HS3ST3A1: variants seen among roughly 807,000 people sequenced by gnomAD.
The protein encoded by HS3ST3A1 is heparan sulfate-glucosamine 3-sulfotransferase 3A1, also known as heparan sulfate glucosamine 3-O-sulfotransferase 3A1.
Under a neutral mutation model 25.7 loss-of-function variants are expected in HS3ST3A1, and 19 were observed. The ratio of observed to expected loss-of-function variants is 0.74; its 90% CI spans 0.52 to 1.08. HS3ST3A1 has a LOEUF of 1.08. Ranked by LOEUF, HS3ST3A1 falls within the 50% of genes least tolerant of loss-of-function variation. HS3ST3A1 has a pLI of 0.00. For missense variants in HS3ST3A1, 459 were observed against 594.3 expected, an observed-to-expected ratio of 0.77 and a Z score of 2.37; for synonymous variants, 226 against 278.6, an observed-to-expected ratio of 0.81 and a Z score of 1.88.
intron 1 of HS3ST3A1, among the ~76,000 whole-genome samples, chr17:13,567,483 T>C (rs945795437): frequency 6.6e-6 from 1 of 152,212 alleles, no homozygotes. Context: ...ATAGCTACCA[T>C]AGATAGTGAT....
At chr17:13,561,894 AAG>A (rs1567624335) in intron 1 of HS3ST3A1, among the ~76,000 whole-genome samples, 1 of 151,964 alleles carries the variant, frequency 6.6e-6, no homozygotes, top group African/African-American at 2.4e-5. Flanking sequence ...AAAGGGCAAA[AAG>A]AGAGTGTAGG....
In HS3ST3A1 at chr17:13,549,936, G is replaced by A. The variant is rs8080826; in HGVS notation, c.599+50595C>T. 5.7e-3 allele frequency among the ~76,000 whole-genome samples: 862 copies of A among 152,244 alleles called. 9 individuals are homozygous for A. The highest frequency in any genetic ancestry group is 0.019 in the African/African-American group (806 of 41,526). ...TTCCTGTAGACCCACTATCTCCAAA[G>A]TGCTGACAGGATACTGATAAATATT... On this transcript the variant is annotated intron_variant, in intron 1 of 1. Transcript: ENST00000284110.
At chr17:13,551,718 A>G (rs3785702) in intron 1 of HS3ST3A1, among the ~76,000 whole-genome samples, 66,759 of 151,732 alleles carry the variant, frequency 0.44, 14,990 homozygotes, top group Middle Eastern at 0.52. Flanking sequence ...CTAGAATTTC[A>G]TTCTTGATCA....
chr17:13,507,360 A>G (rs1229378885), intron 1 of HS3ST3A1, among the ~76,000 whole-genome samples: 3 of 152,230 alleles, frequency 2.0e-5, no homozygotes, highest in African/African-American at 4.8e-5. Flanking sequence ...TGACTTATCC[A>G]AGCACACATA....
intron 1 of HS3ST3A1, among the ~76,000 whole-genome samples, chr17:13,522,845 C>CAG (rs1266392248): frequency 5.0e-5 from 3 of 60,516 alleles, no homozygotes; most frequent in Non-Finnish European, 1.1e-4. Context: ...ACCACACACA[C>CAG]ACAGAGAGAC....
intron 1 of HS3ST3A1, among the ~76,000 whole-genome samples, chr17:13,515,195 C>G (rs372435305): frequency 3.9e-4 from 60 of 152,346 alleles, no homozygotes; most frequent in Admixed American, 1.2e-3. Flanking sequence ...GAGTTTCCCT[C>G]TTTTGCCCAG....
intron 1 of HS3ST3A1, among the ~76,000 whole-genome samples, chr17:13,523,297 C>T (rs1035314839): frequency 3.9e-4 from 59 of 152,212 alleles, no homozygotes; most frequent in Non-Finnish European, 2.9e-5. Context: ...AGAATATGGC[C>T]AGTCTAGTTA....
intron 1 of HS3ST3A1, among the ~76,000 whole-genome samples, chr17:13,557,134 A>C (rs1907404411): frequency 6.6e-6 from 1 of 152,230 alleles, no homozygotes; most frequent in Non-Finnish European, 1.5e-5. Context: ...GCAGATTCAT[A>C]AAAATGAGCA....
At chr17:13,498,272 T>C (rs1905346598) in intron 1 of HS3ST3A1, among the ~76,000 whole-genome samples, 1 of 152,184 alleles carries the variant, frequency 6.6e-6, no homozygotes, top group Non-Finnish European at 1.5e-5. Context: ...TTAGTTTTAA[T>C]GATGCAGGTA....
chr17:13,515,620 T>C (rs1233505176), intron 1 of HS3ST3A1, among the ~76,000 whole-genome samples: 12 of 151,994 alleles, frequency 7.9e-5, no homozygotes, highest in Non-Finnish European at 1.6e-4. Context: ...TTTGCAGAGG[T>C]TGTATGTGAA....
intron 1 of HS3ST3A1, among the ~76,000 whole-genome samples, chr17:13,529,393 A>C (rs1297499301): frequency 6.6e-6 from 1 of 152,220 alleles, no homozygotes; most frequent in Non-Finnish European, 1.5e-5. Flanking sequence ...CCATTATCAA[A>C]TTCTAACAAG....
chr17:13,498,661 G>A (rs1162943562), intron 1 of HS3ST3A1, among the ~76,000 whole-genome samples: 1 of 152,178 alleles, frequency 6.6e-6, no homozygotes, highest in African/African-American at 2.4e-5. Context: ...AGACAGAGAG[G>A]CCTTGCAGGC....
At position 13,600,586 on chromosome 17, in the gene HS3ST3A1, CCACGGCGCG is replaced by C; in HGVS notation, c.535_543del (p.Arg179_Val181del). On this transcript the variant is annotated inframe_deletion, in exon 1 of 2. Transcript: ENST00000284110. ...CGGTCGAAGAAGTGGGGCTCGGCGC[CCACGGCGCG>C]CACGTCGGGGTGCACGCGCAGGAAC... The C allele has an allele frequency of 1.9e-6, 3 of 1,601,342 alleles. No homozygotes were observed. The highest frequency in any genetic ancestry group is 2.5e-6 in the Non-Finnish European group (3 of 1,178,334).
chr17:13,496,875 A>G, intron 1 of HS3ST3A1, 57 bp from the exon 2 acceptor site: 1 of 1,572,076 alleles, frequency 6.4e-7, no homozygotes, highest in Non-Finnish European at 8.6e-7. Context: ...GTCCCAGGAG[A>G]GACTGTCAAG....
At chr17:13,594,999 G>C (rs903414207) in intron 1 of HS3ST3A1, among the ~76,000 whole-genome samples, 5 of 152,208 alleles carry the variant, frequency 3.3e-5, no homozygotes, top group African/African-American at 1.2e-4. Context: ...TCGAGTCGGT[G>C]AATAGTTTGT....
chr17:13,559,419 TATA>T (rs1907466333), intron 1 of HS3ST3A1, among the ~76,000 whole-genome samples: 1 of 151,654 alleles, frequency 6.6e-6, no homozygotes, highest in Non-Finnish European at 1.5e-5. Flanking sequence ...TTTTTGAAAA[TATA>T]ATGTTTTTAT....
At chr17:13,593,889 ATTTCCCCAGT>A (rs1908505785) in intron 1 of HS3ST3A1, among the ~76,000 whole-genome samples, 1 of 152,090 alleles carries the variant, frequency 6.6e-6, no homozygotes, top group Non-Finnish European at 1.5e-5. Flanking sequence ...CACTATCCAC[ATTTCCCCAGT>A]TTTCCCATAA....
chr17:13,540,126 T>A (rs1438309461), intron 1 of HS3ST3A1, among the ~76,000 whole-genome samples: 2 of 152,226 alleles, frequency 1.3e-5, no homozygotes, highest in East Asian at 1.9e-4. Flanking sequence ...TTTTTGTGAG[T>A]GAGAAAGTAA....
intron 1 of HS3ST3A1, among the ~76,000 whole-genome samples, chr17:13,542,329 CAAAA>C (rs61165551): frequency 6.0e-5 from 7 of 116,894 alleles, no homozygotes; most frequent in Admixed American, 2.6e-4. Context: ...ACTCTGTTTC[CAAAA>C]AAAAAAAAAA....
Sources: allele counts gnomAD v4.1 joint callset (sites outside exome capture counted in the v4.1 genomes callset), GRCh38; gene constraint gnomAD v4.1.1; transcripts MANE v1.5; gene names NCBI Gene and HGNC (gene_info 2026-07-23, HGNC 2026-07-21).